Variants in KPNA6 observed in about 807,000 individuals in gnomAD.
The protein encoded by KPNA6 is karyopherin subunit alpha 6, also known as importin subunit alpha-7.
In KPNA6, 9 loss-of-function variants were observed where a neutral mutation model predicts 72.0. The observed-to-expected ratio is 0.13, with a 90% confidence interval of 0.08 to 0.22. The LOEUF is 0.22. Among genes scored for constraint, KPNA6 ranks in the 10% least tolerant of loss-of-function variants. The probability of loss-of-function intolerance (pLI) is 1.00; values close to 1 mark genes in which losing one functional copy is unlikely to be tolerated. For synonymous variants in KPNA6, 219 were observed against 242.1 expected (o/e 0.90, Z 0.89); for missense variants, 374 against 655.7 (o/e 0.57, Z 4.69).
chr1:32,158,857 G>T (rs948475926), intron 5 of KPNA6, among the ~76,000 whole-genome samples: 2 of 152,224 alleles, frequency 1.3e-5, no homozygotes, highest in Non-Finnish European at 2.9e-5. Context: ...TCAAAGGAAA[G>T]GCACCAGACT....
intron 1 of KPNA6, among the ~76,000 whole-genome samples, chr1:32,149,930 C>CG (rs2124043703): frequency 6.6e-6 from 1 of 151,844 alleles, no homozygotes; most frequent in East Asian, 2.0e-4. Flanking sequence ...TTCTGACTTA[C>CG]GGTTTCTGAC....
At chr1:32,117,528 G>T (rs923192352) in intron 1 of KPNA6, among the ~76,000 whole-genome samples, 2 of 151,010 alleles carry the variant, frequency 1.3e-5, no homozygotes, top group Non-Finnish European at 2.9e-5. Context: ...GCTGGCTGAC[G>T]CCTATAATCC....
chr1:32,148,224 C>T (rs1321770692), intron 1 of KPNA6, among the ~76,000 whole-genome samples: 2 of 151,964 alleles, frequency 1.3e-5, no homozygotes, highest in South Asian at 2.1e-4. Context: ...CCTGTCTTAG[C>T]CCCCCCACTT....
chr1:32,138,447 G>A lies in KPNA6; in HGVS notation c.5-16141G>A, dbSNP rs562661458. Among the ~76,000 whole-genome samples, 3 of 151,604 alleles carry A rather than the reference G, an allele frequency of 2.0e-5. No homozygotes were observed. In the South Asian group the frequency reaches 6.2e-4, roughly 32 times the overall value. On this transcript the variant is annotated intron_variant, in intron 1 of 13. Coordinates refer to ENST00000373625, the MANE Select transcript of KPNA6 (RefSeq NM_012316.5). ...AATCCCAGCTACTTGGGAGGCTGAG[G>A]CAGGAGAATCACTTGAACCTGGGAG... is the stretch of plus-strand genomic sequence containing the variant.
At position 32,155,441 on chromosome 1, in the gene KPNA6, C is replaced by T. The variant is rs150127316; in HGVS notation, c.138+720C>T. Among the ~76,000 whole-genome samples the T allele has an allele frequency of 2.2e-3, 327 of 150,726 alleles. 2 individuals are homozygous for T. The highest frequency in any genetic ancestry group is 7.6e-3 in the African/African-American group (313 of 41,224). ...GGTTCAAGCAATTCTCCTGCCTTAG[C>T]CTCCCGAGTAGCTAGGATTACGGGC... On this transcript the variant is annotated intron_variant, in intron 2 of 13. Transcript: ENST00000373625.
chr1:32,123,808 G>A (rs773683361), intron 1 of KPNA6, among the ~76,000 whole-genome samples: 35 of 150,850 alleles, frequency 2.3e-4, no homozygotes, highest in South Asian at 6.3e-4. Flanking sequence ...GGCCAAGGCA[G>A]GTGGATCATG....
intron 2 of KPNA6, among the ~76,000 whole-genome samples, chr1:32,155,703 ATTATTTATTTATTTAT>A (rs150358147): frequency 0.093 from 13,523 of 145,948 alleles, 821 homozygotes; most frequent in South Asian, 0.24. Context: ...CCTGATTATT[ATTATTTATTTATTTAT>A]TTATTTATTT....
chr1:32,120,655 C>T (rs1355989138), intron 1 of KPNA6, among the ~76,000 whole-genome samples: 3 of 151,582 alleles, frequency 2.0e-5, no homozygotes, highest in Non-Finnish European at 4.4e-5. Context: ...CAACCTCCGC[C>T]GCCTGGGTTC....
Position 32,170,025 on chromosome 1 carries a change from T to C in KPNA6, c.1388T>C (p.Val463Ala), listed in dbSNP as rs755898866. 2 of 1,613,918 alleles carry C rather than the reference T, an allele frequency of 1.2e-6. No individual in the cohort carries two copies. The change falls in exon 13 of 14, where the codon GTC becomes GCC. Residue 463 changes from valine (V) to alanine (A), a missense_variant. Physicochemically the swap from Val to Ala is moderately conservative, Grantham distance 64. Around this residue, in one of 3 missense-constraint regions of KPNA6, gnomAD observed 34 missense variants for 110.5 expected, o/e 0.31. Transcript: ENST00000373625. ...GAGGGCAAGCGCAGTGGCTCAGGGG[T>C]CAATCCTTATTGTGGCCTCATAGAG... ...EQEGKRSGSG[V>A]NPYCGLIEEA...
At chr1:32,142,244 A>G (rs994999938) in intron 1 of KPNA6, among the ~76,000 whole-genome samples, 1 of 127,216 alleles carries the variant, frequency 7.9e-6, no homozygotes, top group Non-Finnish European at 1.6e-5. Flanking sequence ...TGACAGAGCG[A>G]GACCCTGTCT....
intron 1 of KPNA6, among the ~76,000 whole-genome samples, chr1:32,152,938 C>T (rs183958074): frequency 6.7e-6 from 1 of 148,632 alleles, no homozygotes; most frequent in African/African-American, 2.5e-5. Flanking sequence ...ATCACATGAA[C>T]CCAGGAGGCG....
Position 32,117,806 on chromosome 1 carries a change from G to A in KPNA6, c.4+9672G>A, listed in dbSNP as rs1004748707. ...TTCATAGCTAATACATGGAAGAGACGCTTACTCAGTATGATTCTAATCAAA... is the reference window on the plus strand; with the variant it reads ...TTCATAGCTAATACATGGAAGAGACACTTACTCAGTATGATTCTAATCAAA... On this transcript the variant is annotated intron_variant, in intron 1 of 13. Coordinates refer to ENST00000373625, the MANE Select transcript of KPNA6 (RefSeq NM_012316.5). Among the ~76,000 whole-genome samples, 5 of 152,188 alleles carry A rather than the reference G, an allele frequency of 3.3e-5. No homozygotes were observed. In the South Asian group the frequency reaches 6.2e-4, roughly 19 times the overall value.
chr1:32,143,772 C>T (rs959702369), intron 1 of KPNA6, among the ~76,000 whole-genome samples: 2 of 152,102 alleles, frequency 1.3e-5, no homozygotes, highest in Admixed American at 1.3e-4. Flanking sequence ...TTTTCCTCTC[C>T]TCTTAGCACC....
At chr1:32,144,388 T>C (rs1159654401) in intron 1 of KPNA6, among the ~76,000 whole-genome samples, 3 of 152,226 alleles carry the variant, frequency 2.0e-5, no homozygotes, top group African/African-American at 7.2e-5. Context: ...CCATTTAATA[T>C]TTTCAGACCA....
At chr1:32,161,725 A>G (rs1642241420) in intron 7 of KPNA6, among the ~76,000 whole-genome samples, 1 of 152,048 alleles carries the variant, frequency 6.6e-6, no homozygotes. Flanking sequence ...TTTCGTCCCT[A>G]TTATCTATGG....
Position 32,170,124 on chromosome 1 carries a change from T to C in KPNA6, c.1423+64T>C, listed in dbSNP as rs113593038. On this transcript the variant is annotated intron_variant, in intron 13 of 13. Coordinates refer to ENST00000373625, the MANE Select transcript of KPNA6 (RefSeq NM_012316.5). ...CTGTAGGCCTCCAACGTGGTATACA[T>C]ATGTTGGTGGTGGCGGAGTGTGGGT... is the stretch of plus-strand genomic sequence containing the variant. 6.3e-6 allele frequency: 9 copies of C among 1,432,406 alleles called. No individual in the cohort carries two copies. In the African/African-American group the frequency reaches 9.9e-5, roughly 16 times the overall value. The allele number at this position is 1,432,406 out of a possible 1,614,324, so 88.7% of individuals were successfully genotyped here. A position where few individuals can be genotyped will look rare whatever the true frequency, so the allele number is the denominator to read the frequency against.
intron 4 of KPNA6, among the ~76,000 whole-genome samples, chr1:32,157,732 C>T (rs1642169529): frequency 6.6e-6 from 1 of 152,122 alleles, no homozygotes; most frequent in Admixed American, 6.5e-5. Flanking sequence ...CTCCTCTCCC[C>T]CCATTATATT....
intron 10 of KPNA6, among the ~76,000 whole-genome samples, chr1:32,164,069 T>C (rs536687097): frequency 6.6e-6 from 1 of 152,296 alleles, no homozygotes; most frequent in Admixed American, 6.5e-5. Flanking sequence ...CATTCTCCCT[T>C]CCCCTAGTGC....
At chr1:32,134,770 A>G (rs1641703784) in intron 1 of KPNA6, among the ~76,000 whole-genome samples, 1 of 152,202 alleles carries the variant, frequency 6.6e-6, no homozygotes, top group Admixed American at 6.5e-5. Context: ...TTTAAATGAA[A>G]TGTCCAGAGC....
Sources: allele counts gnomAD v4.1 joint callset (sites outside exome capture counted in the v4.1 genomes callset), GRCh38; gene constraint gnomAD v4.1.1; regional missense constraint gnomAD v4.1.1; transcripts MANE v1.5; gene names NCBI Gene and HGNC (gene_info 2026-07-23, HGNC 2026-07-21).